MICAL3: variants seen among roughly 807,000 people sequenced by gnomAD.
MICAL3 encodes the protein [F-actin]-monooxygenase MICAL3.
MICAL3 carries 62 observed loss-of-function variants against 207.4 expected under a neutral mutation model. The observed-to-expected ratio is 0.30, with a 90% CI of 0.24 to 0.37. MICAL3 has a LOEUF of 0.37. MICAL3 is among the 10% of genes least tolerant of loss of function. The probability of loss-of-function intolerance (pLI) is 1.00; values close to 1 mark genes in which losing one functional copy is unlikely to be tolerated. For missense variants in MICAL3, 2,368 were observed against 2,635.6 expected (o/e 0.90, Z 2.22); for synonymous variants, 1,077 against 1,069.3 (o/e 1.01, Z -0.14).
intron 11 of MICAL3, among the ~76,000 whole-genome samples, chr22:17,892,941 T>C (rs1190060331): frequency 2.0e-5 from 3 of 152,184 alleles, no homozygotes; most frequent in Non-Finnish European, 4.4e-5. Context: ...TTCACCTCCT[T>C]ACCATTCTCT....
At chr22:17,887,612 G>C (rs1930039558) in intron 13 of MICAL3, among the ~76,000 whole-genome samples, 177 bp from the exon 14 acceptor site, 1 of 152,178 alleles carries the variant, frequency 6.6e-6, no homozygotes, top group Admixed American at 6.5e-5. Flanking sequence ...ATGCATACTT[G>C]GGTATGGACA....
At chr22:17,816,370 C>T (rs1044565576) in intron 27 of MICAL3, among the ~76,000 whole-genome samples, 6 of 152,246 alleles carry the variant, frequency 3.9e-5, no homozygotes, top group Admixed American at 3.9e-4. Flanking sequence ...CTGCTCCCCG[C>T]GGGATCACCT....
At chr22:17,899,794 G>T (rs750832116) in intron 6 of MICAL3, among the ~76,000 whole-genome samples, 1 of 151,958 alleles carries the variant, frequency 6.6e-6, no homozygotes, top group Admixed American at 6.6e-5. Flanking sequence ...AAACAGAACT[G>T]TTTTTACGGG....
intron 1 of MICAL3, among the ~76,000 whole-genome samples, chr22:17,945,594 G>C (rs943104079): frequency 1.3e-5 from 2 of 152,234 alleles, no homozygotes; most frequent in African/African-American, 4.8e-5. Context: ...GAGATGTGGA[G>C]AGCAAGGGGT....
chr22:17,897,114 A>G, intron 7 of MICAL3, 133 bp from the exon 8 acceptor site: 1 of 950,750 alleles, frequency 1.1e-6, no homozygotes, highest in South Asian at 1.6e-5. Flanking sequence ...AAACTTTTAT[A>G]CCATTAAAAT....
intron 1 of MICAL3, among the ~76,000 whole-genome samples, chr22:17,907,341 A>T (rs1931812438): frequency 1.3e-5 from 2 of 152,080 alleles, no homozygotes; most frequent in African/African-American, 4.8e-5. Context: ...GGCCTGAGTG[A>T]CTCGTACAGA....
At chr22:17,907,514 A>C (rs4819646) in intron 1 of MICAL3, among the ~76,000 whole-genome samples, 86,704 of 152,058 alleles carry the variant, frequency 0.57, 25,708 homozygotes, top group African/African-American at 0.73. Flanking sequence ...GCTTACCGGG[A>C]AGTCGGTACA....
chr22:17,970,980 G>A (rs955238917), intron 1 of MICAL3, among the ~76,000 whole-genome samples: 4 of 152,072 alleles, frequency 2.6e-5, no homozygotes, highest in Non-Finnish European at 5.9e-5. Context: ...TCAGGAGTTC[G>A]AGACCAGCCT....
chr22:17,996,134 TAAAAAAAAAAAA>T (rs35369164), intron 1 of MICAL3, among the ~76,000 whole-genome samples: 1 of 93,618 alleles, frequency 1.1e-5, no homozygotes, highest in Non-Finnish European at 2.1e-5. Flanking sequence ...TGTCTCAATT[TAAAAAAAAAAAA>T]AAAAAAAAAA....
intron 22 of MICAL3, among the ~76,000 whole-genome samples, chr22:17,825,606 C>G (rs772428486): frequency 1.7e-4 from 26 of 152,310 alleles, no homozygotes; most frequent in Admixed American, 2.6e-4. Context: ...GGACAGGCTG[C>G]TGAAGCCCCA....
intron 1 of MICAL3, among the ~76,000 whole-genome samples, chr22:17,996,956 G>T (rs1355609055): frequency 6.6e-6 from 1 of 151,646 alleles, no homozygotes; most frequent in Non-Finnish European, 1.5e-5. Context: ...GGACACTAAA[G>T]ATGGCCTCTG....
At chr22:17,819,354 T>A (rs966457770) in intron 25 of MICAL3, among the ~76,000 whole-genome samples, 1 of 152,176 alleles carries the variant, frequency 6.6e-6, no homozygotes, top group Non-Finnish European at 1.5e-5. Flanking sequence ...TTAGACAAAC[T>A]GGGTTTTCAG....
chr22:17,843,840 G>T (rs937333600), intron 19 of MICAL3, among the ~76,000 whole-genome samples: 5 of 148,216 alleles, frequency 3.4e-5, no homozygotes, highest in African/African-American at 5.2e-5. Flanking sequence ...TAGCAGCCTG[G>T]TGTTACCAGA....
chr22:18,002,389 G>A (rs1923094630), intron 1 of MICAL3, among the ~76,000 whole-genome samples: 1 of 152,016 alleles, frequency 6.6e-6, no homozygotes, highest in Admixed American at 6.6e-5. Context: ...CCAGCACTTT[G>A]GGAGGGAGGC....
intron 1 of MICAL3, among the ~76,000 whole-genome samples, chr22:17,913,382 C>G (rs764884700): frequency 1.3e-5 from 2 of 152,122 alleles, no homozygotes; most frequent in Non-Finnish European, 2.9e-5. Context: ...AGGACCGGTC[C>G]TGGGGAAAGC....
At position 17,886,141 on chromosome 22, in the gene MICAL3, A is replaced by G; in HGVS notation, c.2068-90T>C. The G allele has an allele frequency of 4.3e-6, 6 of 1,411,744 alleles. 1 individual carries two copies. The South Asian group carries it at 7.4e-5, about 17-fold the overall frequency. The allele number at this position is 1,411,744 out of a possible 1,614,324, so 87.5% of individuals were successfully genotyped here. A position where few individuals can be genotyped will look rare whatever the true frequency, so the allele number is the denominator to read the frequency against. ...CACAGAAGTGCACTCAGGACCTGGC[A>G]TGGGGGCTGGTGGACTGGCTCAGCT... On this transcript the variant is annotated intron_variant, in intron 15 of 31. Transcript: ENST00000441493.
At chr22:17,887,879 C>T (rs1440296965) in intron 13 of MICAL3, among the ~76,000 whole-genome samples, 1 of 152,172 alleles carries the variant, frequency 6.6e-6, no homozygotes, top group Admixed American at 6.5e-5. Context: ...CTGAGCTGCA[C>T]ACAGATGGGG....
rs139179926 is a variant in MICAL3, at chr22:17,832,049, G to A, written c.2860C>T (p.Pro954Ser). 259 of 1,601,210 alleles carry A rather than the reference G, an allele frequency of 1.6e-4. 1 individual carries two copies. In the African/African-American group the frequency reaches 3.2e-3, roughly 20 times the overall value. Reference sequence around the variant, plus strand: ...GGAACACCACCCAGGTCAGATGGGGGCAGGCGAGGCTCCTCCTCCTCCTCC... The same window carrying A: ...GGAACACCACCCAGGTCAGATGGGGACAGGCGAGGCTCCTCCTCCTCCTCC... ...GEEEEEEPRL[P>S]PSDLGGVPWK... The change falls in exon 21 of 32, where the codon CCC (proline) becomes TCC (serine). Residue 954 changes from proline (P) to serine (S), a missense_variant. Pro to Ser is a moderately conservative substitution (Grantham distance 74). Transcript: ENST00000441493.
chr22:17,895,268 G>T lies in MICAL3; in HGVS notation c.1449+16C>A. 2 of 1,612,456 alleles carry T rather than the reference G, an allele frequency of 1.2e-6. No individual in the cohort carries two copies. The highest frequency in any genetic ancestry group is 1.1e-5 in the South Asian group (1 of 90,586). ...GCAGATGGGCCCAGATGTAAATACTGACAAGAAGGTCTTACCTGGCTTGGC... is the reference window on the plus strand; with the variant it reads ...GCAGATGGGCCCAGATGTAAATACTTACAAGAAGGTCTTACCTGGCTTGGC... On this transcript the variant is annotated intron_variant, in intron 10 of 31. Transcript: ENST00000441493.
Sources: allele counts gnomAD v4.1 joint callset (sites outside exome capture counted in the v4.1 genomes callset), GRCh38; gene constraint gnomAD v4.1.1; transcripts MANE v1.5; gene names NCBI Gene and HGNC (gene_info 2026-07-23, HGNC 2026-07-21).